TELO2: variants seen among roughly 807,000 people sequenced by gnomAD.
TELO2 encodes the protein telomere maintenance 2.
A neutral mutation model predicts 91.0 loss-of-function variants in TELO2; 71 were observed. The observed-to-expected ratio is 0.78, with a 90% CI of 0.64 to 0.95. The LOEUF (loss-of-function observed/expected upper bound fraction) is 0.95, where lower values mean the gene tolerates loss of function less well. Among genes scored for constraint, TELO2 ranks in the 40% least tolerant of loss-of-function variants. TELO2 has a pLI of 0.00. For missense variants in TELO2, 1,183 were observed against 1,141.3 expected (o/e 1.04, Z -0.53); for synonymous variants, 584 against 518.9 (o/e 1.13, Z -1.71).
At chr16:1,506,037 G>C (rs1190766645) in intron 16 of TELO2, among the ~76,000 whole-genome samples, 1 of 152,250 alleles carries the variant, frequency 6.6e-6, no homozygotes, top group Non-Finnish European at 1.5e-5. Flanking sequence ...CGCCTGGTCT[G>C]CTGTCCAGGC....
intron 20 of TELO2, among the ~76,000 whole-genome samples, chr16:1,509,385 G>A (rs2040037223): frequency 6.6e-6 from 1 of 152,222 alleles, no homozygotes; most frequent in Non-Finnish European, 1.5e-5. Context: ...CTTGGTGAGG[G>A]TCCCAGCACT....
chr16:1,501,869 G>C, intron 11 of TELO2, 96 bp downstream of exon 11: 1 of 1,458,398 alleles, frequency 6.9e-7, no homozygotes, highest in Non-Finnish European at 9.4e-7. Context: ...CTCCCTGCCT[G>C]CTCCGTGCTT....
rs1209340170 is a variant in TELO2 at position 1,505,480 on chromosome 16, C to T, written c.1913C>T (p.Pro638Leu). ...GGGAGGACTCCCCAACCTGGCTCCC[C>T]AAGTCCCAACACCCCGTGCCTGCCA... ...CLGRTPQPGS[P>L]SPNTPCLPEA... Residue 638 changes from proline (P) to leucine (L), a missense_variant, in exon 16 of 21, where the codon CCA becomes CTA. By Grantham distance (98) the Pro-to-Leu change is moderately conservative. Transcript: ENST00000262319. The surrounding 1 kb of genome is among the most constrained non-coding windows in gnomAD (Gnocchi z 4.3). 1.9e-6 allele frequency: 3 copies of T among 1,613,126 alleles called. No individual in the cohort carries two copies. The highest frequency in any genetic ancestry group is 2.5e-6 in the Non-Finnish European group (3 of 1,179,992).
intron 2 of TELO2, 31 bp from the exon 3 acceptor site, chr16:1,495,315 G>A (rs1465488483): frequency 2.6e-6 from 4 of 1,509,502 alleles, no homozygotes; most frequent in Non-Finnish European, 3.6e-6. Context: ...ATGGGGGTTG[G>A]CGGCTCTGCC....
intron 3 of TELO2, 76 bp from the exon 4 acceptor site, chr16:1,496,960 G>A (rs2039513953): frequency 6.9e-7 from 1 of 1,458,376 alleles, no homozygotes; most frequent in Admixed American, 1.9e-5. Flanking sequence ...CTGACCGAGA[G>A]CAGCTCTCCC....
At chr16:1,503,999 G>A (rs1218908313) in intron 15 of TELO2, among the ~76,000 whole-genome samples, 4 of 151,878 alleles carry the variant, frequency 2.6e-5, no homozygotes, top group Admixed American at 2.0e-4. Flanking sequence ...GGAGTGGGGC[G>A]CCTGTGGTCC....
intron 13 of TELO2, 35 bp downstream of exon 13, chr16:1,502,439 A>G: frequency 1.9e-6 from 3 of 1,567,068 alleles, no homozygotes; most frequent in Non-Finnish European, 2.6e-6. Context: ...GGGAGGCCCA[A>G]GATGGTAGCT....
At chr16:1,507,133 A>G (rs1490637509) in intron 18 of TELO2, 82 bp downstream of exon 18, 36 of 1,512,596 alleles carry the variant, frequency 2.4e-5, no homozygotes, top group Non-Finnish European at 3.0e-5. Context: ...GCGCCCAGGG[A>G]TGGGTGTCTG....
chr16:1,504,210 G>GGATCATGA (rs1264525661), intron 15 of TELO2, among the ~76,000 whole-genome samples: 5 of 151,392 alleles, frequency 3.3e-5, no homozygotes, highest in Non-Finnish European at 4.4e-5. Flanking sequence ...TAAGCCGGGC[G>GGATCATGA]GATCATGAGG....
At chr16:1,503,032 G>T in intron 15 of TELO2, 30 bp downstream of exon 15, 1 of 1,606,230 alleles carries the variant, frequency 6.2e-7, no homozygotes. Context: ...CAGTCCCCCT[G>T]GTCTGGCCCA....
At position 1,507,686 on chromosome 16, in the gene TELO2, G is replaced by C. The variant is rs769720218; in HGVS notation, c.2377G>C (p.Glu793Gln). The C allele has an allele frequency of 1.7e-5, 27 of 1,604,192 alleles. No individual in the cohort carries two copies. The Middle Eastern group carries it at 4.9e-4, about 29-fold the overall frequency. Residue 793 changes from glutamate (E) to glutamine (Q), a missense_variant, in exon 20 of 21, where the codon GAG (glutamate) becomes CAG (glutamine). By Grantham distance (29) the Glu-to-Gln change is conservative. Coordinates refer to ENST00000262319, the MANE Select transcript of TELO2 (RefSeq NM_016111.4). ...AARLLEDLMD[E>Q]LLEARSWLAD... Reference sequence around the variant, plus strand: ...GCGCCTGCTGGAGGACCTGATGGACGAGCTGCTGGAAGCCCGGTCCTGGCT... The same window carrying C: ...GCGCCTGCTGGAGGACCTGATGGACCAGCTGCTGGAAGCCCGGTCCTGGCT...
intron 5 of TELO2, among the ~76,000 whole-genome samples, chr16:1,498,525 C>G (rs1398794566): frequency 6.6e-6 from 1 of 151,940 alleles, no homozygotes; most frequent in Non-Finnish European, 1.5e-5. Context: ...GCAGCCTCGA[C>G]CTCCTGGGCT....
intron 18 of TELO2, 28 bp downstream of exon 18, chr16:1,507,079 G>A (rs117381449): frequency 0.019 from 29,256 of 1,576,020 alleles, 396 homozygotes; most frequent in South Asian, 0.041. Flanking sequence ...GCCGGGCGCC[G>A]GCCTGTGCTA....
In TELO2 at chr16:1,494,178, C is replaced by T; in HGVS notation, c.-36-68C>T. 3.4e-6 allele frequency: 4 copies of T among 1,161,696 alleles called. No homozygotes were observed. Among genetic ancestry groups the T allele is most frequent in the African/African-American group, 1.5e-5 (1 of 65,400 alleles). The allele number at this position is 1,161,696 out of a possible 1,614,324, so 72.0% of individuals were successfully genotyped here. A position where few individuals can be genotyped will look rare whatever the true frequency, so the allele number is the denominator to read the frequency against. ...GGGTGTGGGGTCTCGGGGCGCTCAC[C>T]GAGGGGCTTCCTGAGCTTGTGTGGA... On this transcript the variant is annotated intron_variant, in intron 1 of 20. Coordinates refer to ENST00000262319, the MANE Select transcript of TELO2 (RefSeq NM_016111.4). This position sits in a 1 kb window ranked among gnomAD's most constrained non-coding sequence, Gnocchi z 5.6.
chr16:1,506,047 C>T (rs1479893377), intron 16 of TELO2, among the ~76,000 whole-genome samples, 191 bp from the exon 17 acceptor site: 1 of 152,246 alleles, frequency 6.6e-6, no homozygotes. Context: ...GCTGTCCAGG[C>T]ATTGGCCGCG....
Position 1,494,615 on chromosome 16 carries a change from G to C in TELO2, c.334G>C (p.Gly112Arg), listed in dbSNP as rs778586069. The change falls in exon 2 of 21, where the codon GGC becomes CGC. Residue 112 changes from glycine (G) to arginine (R), a missense_variant and splice_region_variant. Gly to Arg is a moderately radical substitution (Grantham distance 125). Coordinates refer to ENST00000262319, the MANE Select transcript of TELO2 (RefSeq NM_016111.4). This position sits in a 1 kb window ranked among gnomAD's most constrained non-coding sequence, Gnocchi z 5.6. ...VLMETIEGAA[G>R]PSFRLMKMAR... is the part of the protein sequence containing the mutation. ...GATGGAGACCATCGAGGGTGCTGCG[G>C]GGTGAGTGGGCTGGGCCCATCCTGG... is the stretch of plus-strand genomic sequence containing the variant. 4.3e-6 allele frequency: 7 copies of C among 1,610,810 alleles called. No homozygotes were observed. In the Admixed American group the frequency reaches 8.4e-5, roughly 19 times the overall value.
chr16:1,502,105 G>T lies in TELO2; in HGVS notation c.1531G>T (p.Ala511Ser), dbSNP rs778812141. 36 of 1,612,984 alleles carry T rather than the reference G, an allele frequency of 2.2e-5. No homozygotes were observed. Among genetic ancestry groups the T allele is most frequent in the African/African-American group, 1.6e-4 (12 of 74,950 alleles). ...SGDRELKSSK[A>S]PAYVRDCVEA... ...GGACAGAGAGCTGAAGAGCAGCAAG[G>T]CTCCTGCCTACGTCCGGGACTGCGT... The change falls in exon 12 of 21, where the codon GCT becomes TCT. Residue 511 changes from alanine (A) to serine (S), a missense_variant. Transcript: ENST00000262319.
At chr16:1,504,883 T>G (rs1447115429) in intron 15 of TELO2, among the ~76,000 whole-genome samples, 1 of 151,646 alleles carries the variant, frequency 6.6e-6, no homozygotes, top group Non-Finnish European at 1.5e-5. Context: ...CGCCTCTGTC[T>G]AGTCCCAGAG....
chr16:1,507,772 G>A, intron 20 of TELO2, 56 bp downstream of exon 20: 4 of 1,342,072 alleles, frequency 3.0e-6, no homozygotes, highest in Non-Finnish European at 4.0e-6. Context: ...GGGTGTGTGT[G>A]TATGTGTGTG....
Sources: gnomAD v4.1 joint callset for allele counts (sites outside exome capture counted in the v4.1 genomes callset) on GRCh38, gnomAD v4.1.1 for gene constraint, Gnocchi (gnomAD v3.1) non-coding constraint, MANE v1.5 for transcripts, NCBI Gene and HGNC (gene_info 2026-07-23, HGNC 2026-07-21) for gene names.